Variants in EFCAB11 observed in about 807,000 individuals in gnomAD.
EFCAB11 encodes the protein EF-hand calcium-binding domain-containing protein 11.
In EFCAB11, 14 loss-of-function variants were observed where a neutral mutation model predicts 23.0. That is an observed-to-expected ratio of 0.61 (90% CI 0.40 to 0.95). The LOEUF is 0.95. EFCAB11 is among the 40% of genes least tolerant of loss of function. The pLI, the probability that EFCAB11 is intolerant of heterozygous loss-of-function variation, is 0.00. For missense variants in EFCAB11, 198 were observed against 195.8 expected (o/e 1.01, Z -0.07); for synonymous variants, 65 against 66.6 (o/e 0.98, Z 0.11).
At chr14:89,864,356 C>T (rs907021198) in intron 5 of EFCAB11, among the ~76,000 whole-genome samples, 1 of 152,160 alleles carries the variant, frequency 6.6e-6, no homozygotes, top group Non-Finnish European at 1.5e-5. Flanking sequence ...AAAAACAATT[C>T]CTCTCCCATC....
chr14:89,801,057 A>G (rs906415051), intron 5 of EFCAB11, among the ~76,000 whole-genome samples: 2 of 128,738 alleles, frequency 1.6e-5, no homozygotes, highest in African/African-American at 5.3e-5. Flanking sequence ...AAAAAAAAAA[A>G]AAAGAAGTAC....
intron 5 of EFCAB11, among the ~76,000 whole-genome samples, chr14:89,800,913 T>C (rs1324929433): frequency 1.3e-5 from 2 of 151,722 alleles, no homozygotes; most frequent in African/African-American, 4.8e-5. Flanking sequence ...CGTGGTGGCA[T>C]GTGCCTGTAA....
intron 3 of EFCAB11, among the ~76,000 whole-genome samples, chr14:89,942,794 A>C (rs2139831783): frequency 6.6e-6 from 1 of 152,322 alleles, no homozygotes; most frequent in East Asian, 1.9e-4. Context: ...TTCTCCCAGC[A>C]TGTACACTTC....
intron 3 of EFCAB11, among the ~76,000 whole-genome samples, chr14:89,934,909 C>T (rs180747742): frequency 2.6e-5 from 4 of 152,238 alleles, no homozygotes; most frequent in Non-Finnish European, 4.4e-5. Flanking sequence ...CCTTCAGAAA[C>T]GTACCCCAGT....
intron 5 of EFCAB11, among the ~76,000 whole-genome samples, chr14:89,908,332 T>C (rs1889560386): frequency 6.6e-6 from 1 of 152,192 alleles, no homozygotes; most frequent in African/African-American, 2.4e-5. Flanking sequence ...CTGCAGTTTA[T>C]AAATGAAGAA....
rs944930186 is a variant in EFCAB11, at chr14:89,796,391, CA to C, written c.*851del. On this transcript the variant is annotated 3_prime_UTR_variant, in exon 6 of 6. Transcript: ENST00000316738. ...GTGCAATCATGGCTCACTGAAGCTT[CA>C]AACCCCTGGGCTCAAATGATCCTTC... 6.6e-6 allele frequency: 1 copy of C among 152,226 alleles called. No individual in the cohort carries two copies. The highest frequency in any genetic ancestry group is 2.4e-5 in the African/African-American group (1 of 41,446). The allele number at this position is 152,226 out of a possible 1,614,324, so 9.4% of individuals were successfully genotyped here.
Position 89,954,700 on chromosome 14 carries a change from A to G in EFCAB11, c.-40T>C. 1.3e-6 allele frequency: 2 copies of G among 1,595,796 alleles called. No individual in the cohort carries two copies. Among genetic ancestry groups the G allele is most frequent in the Admixed American group, 1.7e-5 (1 of 58,548 alleles). The stretch of plus-strand genomic sequence containing the variant: ...CCGAGCCCCAGCAACCCAACCAGCT[A>G]CCACCGCTTTCCCAGCCTGGCTGGC... On this transcript the variant is annotated 5_prime_UTR_variant, in exon 1 of 6. Coordinates refer to ENST00000316738, the MANE Select transcript of EFCAB11 (RefSeq NM_145231.4).
intron 5 of EFCAB11, among the ~76,000 whole-genome samples, chr14:89,851,036 G>A (rs2140139291): frequency 6.6e-6 from 1 of 152,240 alleles, no homozygotes; most frequent in South Asian, 2.1e-4. Flanking sequence ...AGCCAACAGT[G>A]TTCATCTACC....
chr14:89,840,469 G>A (rs1194786719), intron 5 of EFCAB11, among the ~76,000 whole-genome samples: 3 of 152,204 alleles, frequency 2.0e-5, no homozygotes, highest in Admixed American at 2.0e-4. Flanking sequence ...AACACAGCAT[G>A]TTCAAGTCTT....
In EFCAB11 at chr14:89,932,601, T is replaced by G; in HGVS notation, c.244A>C (p.Ile82Leu). The G allele has an allele frequency of 2.5e-6, 4 of 1,613,772 alleles. No homozygotes were observed. The highest frequency in any genetic ancestry group is 3.4e-6 in the Non-Finnish European group (4 of 1,179,886). The part of the protein sequence containing the change: ...SGILLEGFLN[I>L]VRKKKEAQRY... ...TGAGCTTCCTTCTTTTTCCTGACAA[T>G]ATTTAAAAACCCCTCGAGTAATATA... Residue 82 changes from isoleucine (I) to leucine (L), a missense_variant, in exon 4 of 6, where the codon ATT becomes CTT. Ile to Leu is a conservative substitution (Grantham distance 5). Coordinates refer to ENST00000316738, the MANE Select transcript of EFCAB11 (RefSeq NM_145231.4).
At chr14:89,938,971 CAAA>C (rs11289812) in intron 3 of EFCAB11, among the ~76,000 whole-genome samples, 3 of 80,362 alleles carry the variant, frequency 3.7e-5, no homozygotes, top group Admixed American at 1.4e-4. Context: ...AACAACAAAG[CAAA>C]AAAAAAAAAA....
intron 5 of EFCAB11, chr14:89,833,028 C>T (rs570679344): frequency 6.6e-6 from 1 of 152,164 alleles, no homozygotes; most frequent in Non-Finnish European, 1.5e-5. Flanking sequence ...TCTTACACAA[C>T]AATAAAAATT....
At chr14:89,913,984 T>C (rs1889758671) in intron 5 of EFCAB11, among the ~76,000 whole-genome samples, 1 of 152,162 alleles carries the variant, frequency 6.6e-6, no homozygotes, top group African/African-American at 2.4e-5. Context: ...GCAATAATAA[T>C]GTTGAGTAAA....
intron 5 of EFCAB11, among the ~76,000 whole-genome samples, chr14:89,850,919 A>T (rs1303527938): frequency 6.6e-6 from 1 of 152,180 alleles, no homozygotes; most frequent in African/African-American, 2.4e-5. Flanking sequence ...ACTGAGCCCT[A>T]GGAAGTTAAA....
At chr14:89,951,401 A>G (rs8008263) in intron 2 of EFCAB11, among the ~76,000 whole-genome samples, 14,542 of 152,080 alleles carry the variant, frequency 0.096, 1,802 homozygotes, top group African/African-American at 0.29. Flanking sequence ...CTAAATGACC[A>G]CCCAGACTGT....
At chr14:89,948,594 C>T (rs1460007299) in intron 3 of EFCAB11, among the ~76,000 whole-genome samples, 1 of 152,160 alleles carries the variant, frequency 6.6e-6, no homozygotes, top group East Asian at 1.9e-4. Flanking sequence ...ACTCAGTGTC[C>T]ATCAACAGAT....
chr14:89,912,797 G>A (rs1889720711), intron 5 of EFCAB11, among the ~76,000 whole-genome samples: 1 of 152,194 alleles, frequency 6.6e-6, no homozygotes. Context: ...GCATCACCAG[G>A]ACTGGAATGA....
At chr14:89,934,130 T>C (rs1890494640) in intron 3 of EFCAB11, among the ~76,000 whole-genome samples, 1 of 152,156 alleles carries the variant, frequency 6.6e-6, no homozygotes, top group Admixed American at 6.5e-5. Context: ...TTGGGTTTTA[T>C]TTAAGTGGCA....
chr14:89,924,727 A>C, intron 5 of EFCAB11: 3 of 1,531,342 alleles, frequency 2.0e-6, no homozygotes, highest in Non-Finnish European at 2.6e-6. Flanking sequence ...TGAAAATCAC[A>C]TGTAGACAGA....
Sources: allele counts gnomAD v4.1 joint callset (sites outside exome capture counted in the v4.1 genomes callset), GRCh38; gene constraint gnomAD v4.1.1; transcripts MANE v1.5; gene names NCBI Gene and HGNC (gene_info 2026-07-23, HGNC 2026-07-21).